The following RAPGEF6 variants were observed in gnomAD, a reference collection of about 807,000 sequenced individuals.
The protein encoded by RAPGEF6 is Rap guanine nucleotide exchange factor 6.
In RAPGEF6, 56 loss-of-function variants were observed where a neutral mutation model predicts 171.4. That is an observed-to-expected ratio of 0.33 (90% CI 0.26 to 0.41). The LOEUF is 0.41. Among genes scored for constraint, RAPGEF6 ranks in the 10% least tolerant of loss-of-function variants. The probability of loss-of-function intolerance (pLI) is 1.00; values close to 1 mark genes in which losing one functional copy is unlikely to be tolerated. For synonymous variants in RAPGEF6, 692 were observed against 650.1 expected, an observed-to-expected ratio of 1.06 and a Z score of -0.98; for missense variants, 1,674 against 1,921.4, an observed-to-expected ratio of 0.87 and a Z score of 2.41.
intron 4 of RAPGEF6, among the ~76,000 whole-genome samples, chr5:131,565,419 T>C (rs889575903): frequency 6.6e-6 from 1 of 152,202 alleles, no homozygotes; most frequent in African/African-American, 2.4e-5. Flanking sequence ...AAAATGGCAA[T>C]TCTCTCCGAA....
chr5:131,541,238 T>C (rs1176875486), intron 6 of RAPGEF6, among the ~76,000 whole-genome samples: 1 of 152,202 alleles, frequency 6.6e-6, no homozygotes, highest in East Asian at 1.9e-4. Context: ...AGGTCATGGA[T>C]GAATGGACTC....
chr5:131,567,151 C>T (rs1762001416), intron 4 of RAPGEF6, among the ~76,000 whole-genome samples: 1 of 151,158 alleles, frequency 6.6e-6, no homozygotes, highest in African/African-American at 2.4e-5. Flanking sequence ...ATGTTAATGT[C>T]CCCTCTTTTA....
At chr5:131,608,808 G>A (rs191100071) in intron 1 of RAPGEF6, among the ~76,000 whole-genome samples, 4 of 151,614 alleles carry the variant, frequency 2.6e-5, no homozygotes, top group African/African-American at 9.7e-5. Flanking sequence ...CCCTTACCAC[G>A]TGATCTCTTT....
intron 6 of RAPGEF6, among the ~76,000 whole-genome samples, chr5:131,527,492 G>C (rs1758957735): frequency 6.6e-6 from 1 of 152,088 alleles, no homozygotes; most frequent in Non-Finnish European, 1.5e-5. Context: ...TAAACATTTT[G>C]GACAACAATT....
intron 6 of RAPGEF6, 84 bp downstream of exon 6, chr5:131,547,963 G>C: frequency 7.0e-7 from 1 of 1,435,838 alleles, no homozygotes; most frequent in Non-Finnish European, 9.6e-7. Context: ...CCAGCATGTT[G>C]ATATTACCAA....
At chr5:131,441,528 C>T (rs1269793489) in intron 23 of RAPGEF6, among the ~76,000 whole-genome samples, 1 of 152,180 alleles carries the variant, frequency 6.6e-6, no homozygotes, top group Non-Finnish European at 1.5e-5. Context: ...AAAAAGCCTT[C>T]TTCTGAAGCC....
chr5:131,575,257 T>C (rs1762538206), intron 4 of RAPGEF6, among the ~76,000 whole-genome samples: 1 of 152,176 alleles, frequency 6.6e-6, no homozygotes, highest in Non-Finnish European at 1.5e-5. Flanking sequence ...CCCCCATTAC[T>C]TTAGTCAAGC....
At chr5:131,466,025 G>A (rs1412860977) in intron 17 of RAPGEF6, among the ~76,000 whole-genome samples, 3 of 150,126 alleles carry the variant, frequency 2.0e-5, no homozygotes, top group East Asian at 3.9e-4. Context: ...AGGGAGAAAT[G>A]GAACAGATAC....
At chr5:131,541,105 T>C (rs1191738172) in intron 6 of RAPGEF6, among the ~76,000 whole-genome samples, 6 of 152,362 alleles carry the variant, frequency 3.9e-5, no homozygotes, top group Admixed American at 3.9e-4. Flanking sequence ...TTAATTCCAT[T>C]TTTTGTTATC....
chr5:131,506,899 T>C (rs927385642), intron 9 of RAPGEF6, among the ~76,000 whole-genome samples: 10 of 151,748 alleles, frequency 6.6e-5, no homozygotes, highest in African/African-American at 2.4e-4. Context: ...AATATCCTGT[T>C]TAAAAAAATT....
intron 21 of RAPGEF6, chr5:131,449,997 C>A (rs377207484): frequency 6.5e-7 from 1 of 1,532,062 alleles, no homozygotes; most frequent in Admixed American, 2.0e-5. Context: ...AACCTTCATT[C>A]CAGTTGCGTT....
At chr5:131,576,050 C>T (rs11750739) in intron 4 of RAPGEF6, among the ~76,000 whole-genome samples, 95,600 of 152,046 alleles carry the variant, frequency 0.63, 32,141 homozygotes, top group Non-Finnish European at 0.77. Context: ...TTCATTGAAA[C>T]TCCTACAATT....
At chr5:131,455,335 T>G (rs1336779542) in intron 20 of RAPGEF6, among the ~76,000 whole-genome samples, 1 of 152,214 alleles carries the variant, frequency 6.6e-6, no homozygotes, top group Admixed American at 6.5e-5. Context: ...CTAGGCTCAC[T>G]GTAAGCTCCG....
At chr5:131,580,575 C>T (rs1762896945) in intron 4 of RAPGEF6, among the ~76,000 whole-genome samples, 2 of 152,330 alleles carry the variant, frequency 1.3e-5, no homozygotes, top group Admixed American at 6.5e-5. Context: ...AGCACGTTGT[C>T]ACCTCTCACG....
intron 5 of RAPGEF6, among the ~76,000 whole-genome samples, chr5:131,553,012 G>A (rs1581014108): frequency 6.6e-6 from 1 of 152,166 alleles, no homozygotes; most frequent in East Asian, 1.9e-4. Flanking sequence ...AAATGAGCCA[G>A]AGATGATAAA....
intron 4 of RAPGEF6, among the ~76,000 whole-genome samples, chr5:131,568,116 T>A (rs570092494): frequency 2.4e-4 from 37 of 152,312 alleles, no homozygotes; most frequent in African/African-American, 8.7e-4. Flanking sequence ...TTTTGAATTG[T>A]CACAGAACCT....
chr5:131,608,286 T>A (rs1042096726), intron 1 of RAPGEF6, among the ~76,000 whole-genome samples: 3 of 152,224 alleles, frequency 2.0e-5, no homozygotes, highest in Non-Finnish European at 2.9e-5. Context: ...TGGATAAGAA[T>A]GTCTATATTT....
intron 1 of RAPGEF6, among the ~76,000 whole-genome samples, chr5:131,626,390 C>T (rs149748822): frequency 3.1e-4 from 47 of 152,066 alleles, no homozygotes; most frequent in African/African-American, 1.0e-3. Flanking sequence ...TCTTTGGGAG[C>T]GATATCACTT....
chr5:131,595,263 T>A (rs1435870889), intron 3 of RAPGEF6, among the ~76,000 whole-genome samples: 1 of 145,190 alleles, frequency 6.9e-6, no homozygotes, highest in Non-Finnish European at 1.5e-5. Context: ...GTGTGGCATT[T>A]CCCCCCATCG....
Sources: allele counts gnomAD v4.1 joint callset (sites outside exome capture counted in the v4.1 genomes callset), GRCh38; gene constraint gnomAD v4.1.1; transcripts MANE v1.5; gene names NCBI Gene and HGNC (gene_info 2026-07-23, HGNC 2026-07-21).